The following FGGY variants were observed in gnomAD, a reference collection of about 807,000 sequenced individuals.
The protein encoded by FGGY is FGGY carbohydrate kinase domain containing.
Under a neutral mutation model 71.3 loss-of-function variants are expected in FGGY, and 72 were observed. The ratio of observed to expected loss-of-function variants is 1.01; its 90% CI spans 0.84 to 1.23. FGGY has a LOEUF of 1.23. FGGY is among the 50% of genes most tolerant of loss of function. The probability of loss-of-function intolerance (pLI) is 0.00; values close to 1 mark genes in which losing one functional copy is unlikely to be tolerated. For missense variants in FGGY, 668 were observed against 682.3 expected, an observed-to-expected ratio of 0.98 and a Z score of 0.23; for synonymous variants, 251 against 250.3, an observed-to-expected ratio of 1.00 and a Z score of -0.02.
At chr1:59,344,370 A>G (rs1161478776) in intron 3 of FGGY, among the ~76,000 whole-genome samples, 1 of 151,896 alleles carries the variant, frequency 6.6e-6, no homozygotes, top group Non-Finnish European at 1.5e-5. Flanking sequence ...AGAAAGCAAC[A>G]TCTTCCTATT....
At chr1:59,561,227 C>T (rs147930931) in intron 8 of FGGY, among the ~76,000 whole-genome samples, 1 of 152,242 alleles carries the variant, frequency 6.6e-6, no homozygotes, top group East Asian at 1.9e-4. Context: ...CACTGTTACA[C>T]CTAACAATGA....
intron 14 of FGGY, among the ~76,000 whole-genome samples, chr1:59,721,632 C>G (rs138772538): frequency 1.3e-5 from 2 of 151,784 alleles, no homozygotes; most frequent in Middle Eastern, 3.2e-3. Context: ...GCCACCACAC[C>G]CAGCAGATAC....
intron 4 of FGGY, among the ~76,000 whole-genome samples, chr1:59,358,028 A>G (rs2054668626): frequency 6.6e-6 from 1 of 152,248 alleles, no homozygotes; most frequent in South Asian, 2.1e-4. Flanking sequence ...TGGAAGTCAC[A>G]CTTACTGGAG....
intron 9 of FGGY, among the ~76,000 whole-genome samples, chr1:59,616,612 C>T (rs533872828): frequency 6.5e-4 from 98 of 151,704 alleles, no homozygotes; most frequent in African/African-American, 2.2e-3. Flanking sequence ...GCACATGTAC[C>T]CTAAAACTTA....
intron 8 of FGGY, among the ~76,000 whole-genome samples, chr1:59,555,280 T>C (rs986400860): frequency 1.3e-5 from 2 of 152,202 alleles, no homozygotes; most frequent in South Asian, 4.1e-4. Context: ...CCAAGCAATA[T>C]GCGAGGTATT....
intron 5 of FGGY, among the ~76,000 whole-genome samples, chr1:59,418,000 A>C (rs1360316786): frequency 6.6e-6 from 1 of 152,188 alleles, no homozygotes; most frequent in Non-Finnish European, 1.5e-5. Flanking sequence ...CTGGCTTAGA[A>C]CCACCATGAT....
intron 5 of FGGY, among the ~76,000 whole-genome samples, chr1:59,414,315 C>T (rs1014029395): frequency 2.0e-5 from 3 of 152,126 alleles, no homozygotes; most frequent in African/African-American, 7.2e-5. Context: ...CACAAGTAGG[C>T]CTTTATCCAG....
intron 6 of FGGY, among the ~76,000 whole-genome samples, chr1:59,504,538 C>T (rs1473797747): frequency 6.6e-6 from 1 of 152,138 alleles, no homozygotes; most frequent in African/African-American, 2.4e-5. Context: ...TAAGTGCTTG[C>T]TTGGTGGTTG....
At chr1:59,406,101 T>C (rs2062696437) in intron 5 of FGGY, among the ~76,000 whole-genome samples, 1 of 151,886 alleles carries the variant, frequency 6.6e-6, no homozygotes, top group Admixed American at 6.6e-5. Flanking sequence ...TTTAAGCCTG[T>C]TAATAGACAG....
At chr1:59,379,532 G>A (rs538863350) in intron 5 of FGGY, among the ~76,000 whole-genome samples, 40 of 152,256 alleles carry the variant, frequency 2.6e-4, no homozygotes, top group African/African-American at 9.4e-4. Flanking sequence ...GTTTCTCTGG[G>A]TGAGTCAGTG....
chr1:59,382,362 C>G (rs1048989039), intron 5 of FGGY, among the ~76,000 whole-genome samples: 1 of 152,110 alleles, frequency 6.6e-6, no homozygotes, highest in Non-Finnish European at 1.5e-5. Context: ...TCAGCAACCC[C>G]GAACCTCCTT....
At chr1:59,607,520 G>C (rs11207489) in intron 8 of FGGY, among the ~76,000 whole-genome samples, 10,688 of 152,224 alleles carry the variant, frequency 0.07, 953 homozygotes, top group African/African-American at 0.21. Flanking sequence ...GGAGAATGGG[G>C]ACCACCTTTG....
At chr1:59,697,751 C>T in intron 14 of FGGY, 3 of 1,280,246 alleles carry the variant, frequency 2.3e-6, no homozygotes, top group Non-Finnish European at 3.1e-6. Flanking sequence ...GTAGGTGACA[C>T]AAGAGGTAAA....
intron 1 of FGGY, among the ~76,000 whole-genome samples, chr1:59,302,716 AT>A (rs773929690): frequency 1.3e-5 from 2 of 152,186 alleles, no homozygotes; most frequent in Admixed American, 6.5e-5. Context: ...AGAAAAAAAA[AT>A]AATTTATTAA....
At chr1:59,445,217 G>T (rs931165598) in intron 5 of FGGY, among the ~76,000 whole-genome samples, 3 of 152,148 alleles carry the variant, frequency 2.0e-5, no homozygotes, top group African/African-American at 7.2e-5. Context: ...AGCTTCTGAG[G>T]TATGCACAGC....
intron 8 of FGGY, among the ~76,000 whole-genome samples, chr1:59,566,302 G>T (rs910173477): frequency 6.6e-6 from 1 of 152,144 alleles, no homozygotes; most frequent in Non-Finnish European, 1.5e-5. Flanking sequence ...CATACATTTA[G>T]TTCAGAGGCT....
intron 5 of FGGY, among the ~76,000 whole-genome samples, chr1:59,436,891 C>T (rs1410069763): frequency 6.6e-6 from 1 of 152,186 alleles, no homozygotes; most frequent in African/African-American, 2.4e-5. Flanking sequence ...CCTAAGGCCA[C>T]TGTCCTTGGA....
chr1:59,634,094 A>G (rs1357134546), intron 10 of FGGY, among the ~76,000 whole-genome samples: 1 of 152,094 alleles, frequency 6.6e-6, no homozygotes, highest in Non-Finnish European at 1.5e-5. Flanking sequence ...GGCAGAATGC[A>G]TAGTGTATTG....
chr1:59,442,110 A>C (rs750681603), intron 5 of FGGY, among the ~76,000 whole-genome samples: 2 of 152,170 alleles, frequency 1.3e-5, no homozygotes, highest in Non-Finnish European at 2.9e-5. Context: ...TTCTAGAGGC[A>C]GTTTGTATAG....
Sources: gnomAD v4.1 joint callset for allele counts (sites outside exome capture counted in the v4.1 genomes callset) on GRCh38, gnomAD v4.1.1 for gene constraint, MANE v1.5 for transcripts, NCBI Gene and HGNC (gene_info 2026-07-23, HGNC 2026-07-21) for gene names.